Variants in KCNMA1 observed in about 807,000 individuals in gnomAD.
KCNMA1 encodes the protein Calcium-activated potassium channel subunit alpha-1.
Under a neutral mutation model 140.0 loss-of-function variants are expected in KCNMA1, and 29 were observed. The observed-to-expected ratio is 0.21, with a 90% CI of 0.15 to 0.28. The LOEUF is 0.28. KCNMA1 is among the 10% of genes least tolerant of loss of function. The probability of loss-of-function intolerance (pLI) is 1.00; values close to 1 mark genes in which losing one functional copy is unlikely to be tolerated. For missense variants in KCNMA1, 880 were observed against 1,602.2 expected (o/e 0.55, Z 7.70); for synonymous variants, 612 against 611.9 (o/e 1.00, Z 0.00).
chr10:77,423,269 G>A (rs1382391490), intron 1 of KCNMA1, among the ~76,000 whole-genome samples: 1 of 152,160 alleles, frequency 6.6e-6, no homozygotes, highest in African/African-American at 2.4e-5. Context: ...CCTATCTTGG[G>A]CTCCACATGT....
chr10:77,147,358 T>C (rs1367887117), intron 5 of KCNMA1, among the ~76,000 whole-genome samples: 1 of 152,210 alleles, frequency 6.6e-6, no homozygotes, highest in Non-Finnish European at 1.5e-5. Context: ...GCTTGGTCTC[T>C]GGTTTGACTA....
intron 5 of KCNMA1, among the ~76,000 whole-genome samples, chr10:77,177,419 TTTCC>T (rs954065976): frequency 6.6e-5 from 10 of 150,688 alleles, no homozygotes; most frequent in Non-Finnish European, 1.0e-4. Flanking sequence ...TTCTTTCCTC[TTTCC>T]TTCCTTCCTT....
intron 1 of KCNMA1, among the ~76,000 whole-genome samples, chr10:77,458,181 C>T (rs1204231699): frequency 2.0e-5 from 3 of 152,210 alleles, no homozygotes; most frequent in African/African-American, 4.8e-5. Flanking sequence ...CATCCTCCAC[C>T]CAGGGATAAT....
chr10:77,421,268 AGATCTCTCCCCAG>A (rs1360842972), intron 1 of KCNMA1, among the ~76,000 whole-genome samples: 1 of 152,162 alleles, frequency 6.6e-6, no homozygotes, highest in African/African-American at 2.4e-5. Flanking sequence ...CTCATATTTA[AGATCTCTCCCCAG>A]GAAGCCTTTC....
At chr10:76,991,737 C>T (rs1296824114) in intron 19 of KCNMA1, among the ~76,000 whole-genome samples, 2 of 152,264 alleles carry the variant, frequency 1.3e-5, no homozygotes, top group Non-Finnish European at 2.9e-5. Flanking sequence ...TGTCAGCATG[C>T]TACATTTTTG....
chr10:77,008,165 T>C, intron 18 of KCNMA1: 3 of 1,534,648 alleles, frequency 2.0e-6, no homozygotes, highest in Non-Finnish European at 1.7e-6. Context: ...TCCGGGCTGC[T>C]GGGAACCCGT....
intron 8 of KCNMA1, among the ~76,000 whole-genome samples, chr10:77,109,466 G>A (rs1314018345): frequency 1.3e-5 from 2 of 152,148 alleles, no homozygotes; most frequent in African/African-American, 4.8e-5. Context: ...AACTGCCAAC[G>A]TGTGGCCAGA....
At chr10:76,987,159 G>GT (rs1056416126) in intron 19 of KCNMA1, among the ~76,000 whole-genome samples, 8 of 151,580 alleles carry the variant, frequency 5.3e-5, no homozygotes, top group African/African-American at 1.9e-4. Flanking sequence ...TGTCAACAGA[G>GT]TTTACATGTT....
At chr10:77,631,793 A>G (rs751335979) in intron 1 of KCNMA1, among the ~76,000 whole-genome samples, 3 of 152,226 alleles carry the variant, frequency 2.0e-5, no homozygotes, top group Non-Finnish European at 1.5e-5. Flanking sequence ...CAGGCCAAAC[A>G]GCAGGGGGCA....
chr10:76,914,239 G>A (rs1227643128), intron 24 of KCNMA1: 1 of 822,916 alleles, frequency 1.2e-6, no homozygotes, highest in Non-Finnish European at 2.0e-6. Flanking sequence ...TCAAGTAAAG[G>A]GACCCCGGAC....
chr10:76,912,374 G>A (rs2050706594), intron 24 of KCNMA1: 1 of 152,186 alleles, frequency 6.6e-6, no homozygotes, highest in Non-Finnish European at 1.5e-5. Context: ...GTGTGGCCTT[G>A]GTGCCCTCTG....
chr10:77,238,252 G>C (rs2056233791), intron 3 of KCNMA1, among the ~76,000 whole-genome samples: 1 of 152,160 alleles, frequency 6.6e-6, no homozygotes, highest in Non-Finnish European at 1.5e-5. Context: ...ATACGGCCTT[G>C]TACAGAAGTG....
In KCNMA1 at chr10:77,293,784, G is replaced by A. The variant is rs2074095237; in HGVS notation, c.541-42528C>T. Among the ~76,000 whole-genome samples, 6 of 152,374 alleles carry A rather than the reference G, an allele frequency of 3.9e-5. No homozygotes were observed. In the South Asian group the frequency reaches 1.2e-3, roughly 32 times the overall value. On this transcript the variant is annotated intron_variant, in intron 2 of 27. Coordinates refer to ENST00000286628, the MANE Select transcript of KCNMA1 (RefSeq NM_001161352.2). ...TGCTGCCAAGCAAGGCTGAGGGAAA[G>A]AAGGAAATAGAAATGCAGTCCCCAT...
At chr10:77,362,047 T>C (rs2093991412) in intron 2 of KCNMA1, among the ~76,000 whole-genome samples, 1 of 152,176 alleles carries the variant, frequency 6.6e-6, no homozygotes, top group African/African-American at 2.4e-5. Context: ...TGGCAGTTGA[T>C]AGCAGCTGTC....
At chr10:77,589,265 G>C (rs761691145) in intron 1 of KCNMA1, among the ~76,000 whole-genome samples, 2 of 152,130 alleles carry the variant, frequency 1.3e-5, no homozygotes, top group Non-Finnish European at 2.9e-5. Flanking sequence ...GGATGACTGG[G>C]GAGGCAGCAC....
rs747259507 is a variant in KCNMA1 at position 77,074,687 on chromosome 10, G to T, written c.1594-1435C>A. On this transcript the variant is annotated intron_variant, in intron 13 of 27. Coordinates refer to ENST00000286628, the MANE Select transcript of KCNMA1 (RefSeq NM_001161352.2). ...AATGAACTTCCTAAGGATGTAATTTGTCTACCAAACGGAGAAGGTTACCTT... is the reference window on the plus strand; with the variant it reads ...AATGAACTTCCTAAGGATGTAATTTTTCTACCAAACGGAGAAGGTTACCTT... Among the ~76,000 whole-genome samples, 90 of 152,180 alleles carry T rather than the reference G, an allele frequency of 5.9e-4. 1 individual carries two copies. The highest frequency in any genetic ancestry group is 3.8e-4 in the Non-Finnish European group (26 of 68,024).
chr10:77,443,099 G>A (rs2097444519), intron 1 of KCNMA1, among the ~76,000 whole-genome samples: 1 of 152,192 alleles, frequency 6.6e-6, no homozygotes, highest in Non-Finnish European at 1.5e-5. Flanking sequence ...ACATAGACAG[G>A]GAAATCAAGT....
At chr10:76,909,158 G>A (rs2049013198) in intron 25 of KCNMA1, among the ~76,000 whole-genome samples, 1 of 152,104 alleles carries the variant, frequency 6.6e-6, no homozygotes, top group South Asian at 2.1e-4. Flanking sequence ...TCAGTGACAG[G>A]CCTGGCAGTC....
chr10:76,908,308 C>T (rs2048624167), intron 25 of KCNMA1, among the ~76,000 whole-genome samples: 1 of 152,132 alleles, frequency 6.6e-6, no homozygotes, highest in Non-Finnish European at 1.5e-5. Context: ...TATCATCAGG[C>T]CATAAGAAAG....
Sources: gnomAD v4.1 joint callset for allele counts (sites outside exome capture counted in the v4.1 genomes callset) on GRCh38, gnomAD v4.1.1 for gene constraint, MANE v1.5 for transcripts, NCBI Gene and HGNC (gene_info 2026-07-23, HGNC 2026-07-21) for gene names.